DYM: variants seen among roughly 807,000 people sequenced by gnomAD.
DYM encodes dyggve-Melchior-Clausen syndrome protein.
A neutral mutation model predicts 93.1 loss-of-function variants in DYM; 78 were observed. The observed-to-expected ratio is 0.84, with a 90% CI of 0.70 to 1.01. The LOEUF is 1.01. Among genes scored for constraint, DYM ranks in the 50% least tolerant of loss-of-function variants. DYM has a pLI of 0.00. For synonymous variants in DYM, 321 were observed against 319.7 expected, an observed-to-expected ratio of 1.00 and a Z score of -0.04; for missense variants, 789 against 845.0, an observed-to-expected ratio of 0.93 and a Z score of 0.82.
At chr18:49,328,135 T>C (rs2063037082) in intron 8 of DYM, among the ~76,000 whole-genome samples, 2 of 152,214 alleles carry the variant, frequency 1.3e-5, no homozygotes, top group African/African-American at 4.8e-5. Context: ...GAGCCTATTA[T>C]GAGAATAAAT....
intron 2 of DYM, among the ~76,000 whole-genome samples, chr18:49,414,220 G>A (rs1252963976): frequency 6.6e-6 from 1 of 152,132 alleles, no homozygotes; most frequent in African/African-American, 2.4e-5. Context: ...CTGAGGTGAT[G>A]AAAATATTCT....
chr18:49,346,914 T>G (rs1411625123), intron 6 of DYM, among the ~76,000 whole-genome samples: 2 of 152,154 alleles, frequency 1.3e-5, no homozygotes, highest in Admixed American at 6.5e-5. Context: ...TTAAATACCC[T>G]AACCTATTAT....
chr18:49,079,697 G>A (rs2077625271), intron 17 of DYM, among the ~76,000 whole-genome samples: 1 of 151,626 alleles, frequency 6.6e-6, no homozygotes, highest in Non-Finnish European at 1.5e-5. Flanking sequence ...CACAGCACAT[G>A]TTTCAGAGAG....
At chr18:49,198,393 A>T (rs2091681823) in intron 14 of DYM, among the ~76,000 whole-genome samples, 1 of 152,108 alleles carries the variant, frequency 6.6e-6, no homozygotes, top group South Asian at 2.1e-4. Context: ...GATCTAATTC[A>T]ACTAAAGAGC....
chr18:49,180,267 G>C (rs1258325620), intron 14 of DYM, among the ~76,000 whole-genome samples: 1 of 152,108 alleles, frequency 6.6e-6, no homozygotes, highest in Admixed American at 6.6e-5. Context: ...TATTCAAAAT[G>C]AAGTTTAATT....
At chr18:49,268,548 A>T (rs1054161857) in intron 11 of DYM, among the ~76,000 whole-genome samples, 1 of 152,212 alleles carries the variant, frequency 6.6e-6, no homozygotes, top group Non-Finnish European at 1.5e-5. Flanking sequence ...ATAGCACAAT[A>T]AAAAGTATAA....
intron 15 of DYM, among the ~76,000 whole-genome samples, chr18:49,135,145 A>G (rs958874609): frequency 2.0e-5 from 3 of 152,158 alleles, no homozygotes; most frequent in African/African-American, 7.2e-5. Context: ...ACTTCTCTCC[A>G]GATACGTAAA....
intron 2 of DYM, among the ~76,000 whole-genome samples, chr18:49,407,582 A>G (rs2071653017): frequency 1.3e-5 from 2 of 152,224 alleles, no homozygotes; most frequent in African/African-American, 4.8e-5. Flanking sequence ...CTTTTAAACA[A>G]CTAGATCTTG....
intron 8 of DYM, among the ~76,000 whole-genome samples, chr18:49,320,531 A>G (rs1050511980): frequency 5.3e-5 from 8 of 152,150 alleles, no homozygotes; most frequent in African/African-American, 1.7e-4. Context: ...CTGAAGTGCA[A>G]TGTCACAATC....
At chr18:49,194,615 T>C (rs7243560) in intron 14 of DYM, among the ~76,000 whole-genome samples, 5,597 of 152,242 alleles carry the variant, frequency 0.037, 338 homozygotes, top group African/African-American at 0.13. Flanking sequence ...TTTTGAATGA[T>C]ACTACAATTT....
intron 13 of DYM, among the ~76,000 whole-genome samples, chr18:49,246,633 T>C (rs1311631807): frequency 3.9e-5 from 6 of 152,188 alleles, no homozygotes; most frequent in African/African-American, 1.2e-4. Context: ...ATATGTAAAA[T>C]GTGGAAATTT....
At chr18:49,277,474 A>G (rs2094873723) in intron 10 of DYM, among the ~76,000 whole-genome samples, 1 of 152,186 alleles carries the variant, frequency 6.6e-6, no homozygotes, top group African/African-American at 2.4e-5. Flanking sequence ...TACGAACTGC[A>G]CGTTTGGGCC....
At chr18:49,218,391 T>A (rs1006109443) in intron 13 of DYM, among the ~76,000 whole-genome samples, 14 of 152,348 alleles carry the variant, frequency 9.2e-5, no homozygotes, top group Middle Eastern at 3.4e-3. Flanking sequence ...AACTCAGCTC[T>A]GCACCAAGCG....
intron 17 of DYM, among the ~76,000 whole-genome samples, chr18:49,077,429 G>A (rs2077397406): frequency 1.3e-5 from 2 of 152,210 alleles, no homozygotes; most frequent in Non-Finnish European, 2.9e-5. Flanking sequence ...CTTGGTAAGG[G>A]TGTTATATAC....
intron 6 of DYM, among the ~76,000 whole-genome samples, chr18:49,349,833 T>C (rs1253362771): frequency 6.6e-6 from 1 of 152,148 alleles, no homozygotes; most frequent in Non-Finnish European, 1.5e-5. Flanking sequence ...GGCACACACC[T>C]GTAGTCCCAG....
chr18:49,358,273 C>T (rs1025604953), intron 6 of DYM, among the ~76,000 whole-genome samples: 1 of 152,122 alleles, frequency 6.6e-6, no homozygotes, highest in African/African-American at 2.4e-5. Flanking sequence ...TCTAAAGAAA[C>T]AAAACCTGAA....
chr18:49,219,777 A>G (rs1470072764), intron 13 of DYM, among the ~76,000 whole-genome samples: 1 of 152,018 alleles, frequency 6.6e-6, no homozygotes, highest in Non-Finnish European at 1.5e-5. Context: ...AGAGCTATCT[A>G]TGACAAACCC....
chr18:49,245,590 A>G (rs2094146220), intron 13 of DYM, among the ~76,000 whole-genome samples: 1 of 152,212 alleles, frequency 6.6e-6, no homozygotes, highest in East Asian at 1.9e-4. Context: ...GTAAATTCTA[A>G]TCAGACTGGT....
chr18:49,455,560 T>C (rs1419317315), intron 1 of DYM, among the ~76,000 whole-genome samples: 1 of 152,060 alleles, frequency 6.6e-6, no homozygotes, highest in African/African-American at 2.4e-5. Context: ...TTCAAAAAGG[T>C]TGAGTAACAT....
Sources: allele counts gnomAD v4.1 joint callset (sites outside exome capture counted in the v4.1 genomes callset), GRCh38; gene constraint gnomAD v4.1.1; transcripts MANE v1.5; gene names NCBI Gene and HGNC (gene_info 2026-07-23, HGNC 2026-07-21).